Variants in ZNF385B observed in about 807,000 individuals in gnomAD.
ZNF385B encodes the protein zinc finger protein 385B, also known as zinc finger protein 533.
Under a neutral mutation model 39.2 loss-of-function variants are expected in ZNF385B, and 23 were observed. That is an observed-to-expected ratio of 0.59 (90% confidence interval 0.42 to 0.83). The LOEUF (loss-of-function observed/expected upper bound fraction) is 0.83, where lower values mean the gene tolerates loss of function less well. ZNF385B is among the 40% of genes least tolerant of loss of function. The pLI, the probability that ZNF385B is intolerant of heterozygous loss-of-function variation, is 0.00. For missense variants in ZNF385B, 552 were observed against 598.9 expected (o/e 0.92, Z 0.82); for synonymous variants, 205 against 222.6 (o/e 0.92, Z 0.70).
intron 1 of ZNF385B, among the ~76,000 whole-genome samples, chr2:179,804,412 T>C (rs1404290103): frequency 2.0e-5 from 3 of 152,166 alleles, no homozygotes; most frequent in Admixed American, 1.3e-4. Context: ...CTGATTTCCA[T>C]AACATGACAT....
chr2:179,658,196 G>A (rs1041507018), intron 3 of ZNF385B, among the ~76,000 whole-genome samples: 1 of 152,296 alleles, frequency 6.6e-6, no homozygotes. Context: ...CAGGACCTTG[G>A]TAAATGATAA....
intron 6 of ZNF385B, among the ~76,000 whole-genome samples, chr2:179,482,894 AG>A (rs2054149918): frequency 6.6e-6 from 1 of 152,140 alleles, no homozygotes; most frequent in South Asian, 2.1e-4. Context: ...TCAATAAAAA[AG>A]TCTATAGTAA....
chr2:179,482,080 A>G (rs538000088), intron 6 of ZNF385B, among the ~76,000 whole-genome samples: 1 of 152,344 alleles, frequency 6.6e-6, no homozygotes, highest in East Asian at 1.9e-4. Context: ...TTATTACCAA[A>G]TTTAGCTTAG....
intron 4 of ZNF385B, among the ~76,000 whole-genome samples, chr2:179,531,533 G>A (rs2059252303): frequency 6.6e-6 from 1 of 152,124 alleles, no homozygotes; most frequent in Non-Finnish European, 1.5e-5. Context: ...CTACTGGGGA[G>A]GCTGAGGCAG....
intron 3 of ZNF385B, among the ~76,000 whole-genome samples, chr2:179,610,616 T>C (rs754730745): frequency 6.6e-6 from 1 of 152,194 alleles, no homozygotes; most frequent in Non-Finnish European, 1.5e-5. Flanking sequence ...TTGCTGGGGA[T>C]TGCATTGACT....
chr2:179,543,318 G>C (rs575758627), intron 4 of ZNF385B, among the ~76,000 whole-genome samples: 31 of 152,226 alleles, frequency 2.0e-4, no homozygotes, highest in Admixed American at 1.6e-3. Context: ...AAAATAAAGA[G>C]AGGTGAGCCA....
At chr2:179,523,514 C>T (rs1323439285) in intron 4 of ZNF385B, among the ~76,000 whole-genome samples, 2 of 151,942 alleles carry the variant, frequency 1.3e-5, no homozygotes, top group Non-Finnish European at 2.9e-5. Context: ...TAGGATGAAT[C>T]TAAGATGGGG....
At chr2:179,581,363 AG>A (rs1161341968) in intron 3 of ZNF385B, among the ~76,000 whole-genome samples, 1 of 152,232 alleles carries the variant, frequency 6.6e-6, no homozygotes, top group East Asian at 1.9e-4. Flanking sequence ...TTACTTCTGC[AG>A]CTTATTTTCC....
At chr2:179,807,843 T>C (rs1202315998) in intron 1 of ZNF385B, among the ~76,000 whole-genome samples, 6 of 144,426 alleles carry the variant, frequency 4.2e-5, no homozygotes, top group Non-Finnish European at 6.0e-5. Context: ...TGCAGTGAGC[T>C]GAGATCACGC....
intron 3 of ZNF385B, among the ~76,000 whole-genome samples, chr2:179,553,006 A>T (rs1238164890): frequency 6.7e-6 from 1 of 149,272 alleles, no homozygotes; most frequent in African/African-American, 2.5e-5. Context: ...GCCCAACTTC[A>T]TATAGTTTGT....
intron 4 of ZNF385B, among the ~76,000 whole-genome samples, chr2:179,522,001 T>TTTTATA (rs2105819187): frequency 6.6e-6 from 1 of 152,322 alleles, no homozygotes; most frequent in Non-Finnish European, 1.5e-5. Flanking sequence ...ATAGTTATAT[T>TTTTATA]TTTATATTTA....
chr2:179,665,206 G>A (rs1441808423), intron 3 of ZNF385B, among the ~76,000 whole-genome samples: 2 of 152,158 alleles, frequency 1.3e-5, no homozygotes, highest in African/African-American at 2.4e-5. Context: ...AGTAAGTGGT[G>A]TGAAATAAAC....
At chr2:179,685,579 T>C (rs1697858922) in intron 3 of ZNF385B, among the ~76,000 whole-genome samples, 1 of 152,166 alleles carries the variant, frequency 6.6e-6, no homozygotes, top group Non-Finnish European at 1.5e-5. Context: ...TCATGGACTA[T>C]AGATGGAGTA....
At chr2:179,453,663 A>G (rs1339183924) in intron 6 of ZNF385B, among the ~76,000 whole-genome samples, 1 of 152,214 alleles carries the variant, frequency 6.6e-6, no homozygotes, top group Non-Finnish European at 1.5e-5. Context: ...TCAGTTTGGC[A>G]TAACAAAGTT....
chr2:179,653,562 T>C (rs1693418029), intron 3 of ZNF385B, among the ~76,000 whole-genome samples: 1 of 152,176 alleles, frequency 6.6e-6, no homozygotes, highest in East Asian at 1.9e-4. Flanking sequence ...GGTCCTTAAA[T>C]TCTAATTGAA....
chr2:179,606,006 T>C (rs1688769464), intron 3 of ZNF385B, among the ~76,000 whole-genome samples: 1 of 152,190 alleles, frequency 6.6e-6, no homozygotes, highest in African/African-American at 2.4e-5. Flanking sequence ...GTTTGGAAGA[T>C]AAGGATCCAT....
intron 3 of ZNF385B, among the ~76,000 whole-genome samples, chr2:179,556,215 A>C (rs1360064197): frequency 2.7e-5 from 4 of 149,350 alleles, no homozygotes; most frequent in African/African-American, 1.0e-4. Context: ...AAAATGGATA[A>C]GATTTATTTG....
chr2:179,844,341 A>G (rs569687202), intron 1 of ZNF385B, among the ~76,000 whole-genome samples: 1 of 152,218 alleles, frequency 6.6e-6, no homozygotes, highest in African/African-American at 2.4e-5. Flanking sequence ...TCTAGAGTCA[A>G]TGAGGCCTTG....
intron 1 of ZNF385B, among the ~76,000 whole-genome samples, chr2:179,823,694 G>A (rs73048562): frequency 0.011 from 1,645 of 152,142 alleles, 30 homozygotes; most frequent in African/African-American, 0.038. Context: ...AATTTTGACA[G>A]AGGCATTCTT....
Sources: allele counts gnomAD v4.1 joint callset (sites outside exome capture counted in the v4.1 genomes callset), GRCh38; gene constraint gnomAD v4.1.1; transcripts MANE v1.5; gene names NCBI Gene and HGNC (gene_info 2026-07-23, HGNC 2026-07-21).